SUSD2: variants seen among roughly 807,000 people sequenced by gnomAD.
SUSD2 encodes the protein sushi domain-containing protein 2.
In SUSD2, 86 loss-of-function variants were observed where a neutral mutation model predicts 93.8. The ratio of observed to expected loss-of-function variants is 0.92; its 90% CI spans 0.77 to 1.10. SUSD2 has a LOEUF of 1.10. SUSD2 is among the 50% of genes least tolerant of loss of function. The pLI, the probability that SUSD2 is intolerant of heterozygous loss-of-function variation, is 0.00. For synonymous variants in SUSD2, 483 were observed against 485.0 expected (o/e 1.00, Z 0.05); for missense variants, 1,060 against 1,137.0 (o/e 0.93, Z 0.97).
intron 5 of SUSD2, 62 bp downstream of exon 5, chr22:24,185,002 C>T: frequency 6.2e-7 from 1 of 1,610,886 alleles, no homozygotes; most frequent in Non-Finnish European, 8.5e-7. Flanking sequence ...GCCCATCATG[C>T]TTGCCTGGGC....
chr22:24,188,393 A>G lies in SUSD2; in HGVS notation c.2445-19A>G, dbSNP rs780052703. On this transcript the variant is annotated intron_variant, in intron 14 of 14. Transcript: ENST00000358321. The surrounding 1 kb of genome is among the most constrained non-coding windows in gnomAD (Gnocchi z 4.7). ...CGGTGGGACCACCGAGGCTACTTCTAACTGCGTTTCTGTTGCAGGCACGTC... is the reference window on the plus strand; with the variant it reads ...CGGTGGGACCACCGAGGCTACTTCTGACTGCGTTTCTGTTGCAGGCACGTC... 2 of 1,611,366 alleles carry G rather than the reference A, an allele frequency of 1.2e-6. No individual in the cohort carries two copies. The highest frequency in any genetic ancestry group is 1.7e-6 in the Non-Finnish European group (2 of 1,179,796).
In SUSD2 at chr22:24,188,725, C is replaced by G. The variant is rs2047387302; in HGVS notation, c.*289C>G. ...CTAATACCTATGTCCTGAGCCCTGA[C>G]ACTCCCACACCTGAGCCTCAGATTC... On this transcript the variant is annotated 3_prime_UTR_variant, in exon 15 of 15. Transcript: ENST00000358321. This position sits in a 1 kb window ranked among gnomAD's most constrained non-coding sequence, Gnocchi z 4.7. 1 of 394,220 alleles carries G rather than the reference C, an allele frequency of 2.5e-6. No homozygotes were observed. The highest frequency in any genetic ancestry group is 4.6e-6 in the Non-Finnish European group (1 of 215,224). 24.4% of individuals were successfully genotyped at this position (394,220 alleles called of 1,614,324 possible).
rs140077955 is a variant in SUSD2 at position 24,184,268 on chromosome 22, C to A, written c.572C>A (p.Thr191Asn). 2 of 1,613,470 alleles carry A rather than the reference C, an allele frequency of 1.2e-6. No homozygotes were observed. Among genetic ancestry groups the A allele is most frequent in the African/African-American group, 2.7e-5 (2 of 74,930 alleles). ...TWHVKSLPTQ[T>N]ITIELWGYEE... ...CATGTCAAGTCGCTGCCCACGCAGA[C>A]CATCACCATCGAACTGTGGGGCTAC... Residue 191 changes from threonine (T) to asparagine (N), a missense_variant, in exon 4 of 15, where the codon ACC becomes AAC. Thr to Asn is a moderately conservative substitution (Grantham distance 65, BLOSUM62 0). This residue lies in a region of SUSD2 where 973 missense variants were observed against 1,005.3 expected (regional missense o/e 0.97). Coordinates refer to ENST00000358321, the MANE Select transcript of SUSD2 (RefSeq NM_019601.4).
intron 1 of SUSD2, 123 bp from the exon 2 acceptor site, chr22:24,182,934 G>A: frequency 7.9e-6 from 6 of 757,984 alleles, no homozygotes; most frequent in Non-Finnish European, 1.1e-5. Flanking sequence ...TGCAGTTCCT[G>A]GCCAGCGTTC....
chr22:24,186,638 A>G, intron 10 of SUSD2: 2 of 589,162 alleles, frequency 3.4e-6, no homozygotes, highest in Non-Finnish European at 6.0e-6. Context: ...CCTACGGAGG[A>G]TCCCGGGAGC....
rs2047325340 is a variant in SUSD2, at chr22:24,181,489, T to G, written c.-31T>G. 6.6e-7 allele frequency: 1 copy of G among 1,526,360 alleles called. No homozygotes were observed. Among genetic ancestry groups the G allele is most frequent in the Non-Finnish European group, 8.8e-7 (1 of 1,134,876 alleles). The allele number at this position is 1,526,360 out of a possible 1,614,324, so 94.6% of individuals were successfully genotyped here. A position where few individuals can be genotyped will look rare whatever the true frequency, so the allele number is the denominator to read the frequency against. ...TCTGGCCGCCTCGCCTCGGAGCCAC[T>G]GCACTGCTGGCTGCAGACACAGGCT... On this transcript the variant is annotated 5_prime_UTR_variant, in exon 1 of 15. Transcript: ENST00000358321.
intron 7 of SUSD2, 22 bp downstream of exon 7, chr22:24,185,593 G>A (rs745885399): frequency 5.6e-6 from 9 of 1,599,210 alleles, no homozygotes; most frequent in African/African-American, 4.0e-5. Flanking sequence ...GGCTGGGGCC[G>A]GTATGGGGAT....
chr22:24,187,445 C>A lies in SUSD2; in HGVS notation c.1886C>A (p.Ala629Asp), dbSNP rs2047376319. ...TSPQELFLFG[A>D]NWTVHNASSL... is the part of the protein sequence containing the mutation. ...CCCCAGGAGCTGTTCCTGTTTGGGG[C>A]CAACTGTGAGTGACCGTGGAGTATA... The change falls in exon 11 of 15, where the codon GCC (alanine) becomes GAC (aspartate). Residue 629 changes from alanine to aspartate, a missense_variant. By Grantham distance (126) the Ala-to-Asp change is moderately radical (BLOSUM62 -2). This residue lies in a region of SUSD2 where 973 missense variants were observed against 1,005.3 expected (regional missense o/e 0.97). Transcript: ENST00000358321. The A allele has an allele frequency of 6.2e-7, 1 of 1,612,706 alleles. No homozygotes were observed. Among genetic ancestry groups the A allele is most frequent in the African/African-American group, 1.3e-5 (1 of 74,918 alleles).
chr22:24,187,219 G>T lies in SUSD2; in HGVS notation c.1660G>T (p.Ala554Ser). The change falls in exon 11 of 15, where the codon GCT (alanine) becomes TCT (serine). Residue 554 changes from alanine to serine, a missense_variant. Ala to Ser is a moderately conservative substitution (Grantham distance 99, BLOSUM62 1). This residue lies in a region of SUSD2 where 973 missense variants were observed against 1,005.3 expected (regional missense o/e 0.97). Transcript: ENST00000358321. ...GAGCCCAGGAATGTTCCTGTCGGTG[G>T]CTGCCGGGGACAGGGTCTCCATCAT... ...MDLKGMFLSVAAGDRVSIMLA... is the reference protein window; with the variant it reads ...MDLKGMFLSVSAGDRVSIMLA... The T allele has an allele frequency of 6.2e-7, 1 of 1,613,006 alleles. No individual in the cohort carries two copies. Among genetic ancestry groups the T allele is most frequent in the African/African-American group, 1.3e-5 (1 of 75,018 alleles).
At position 24,183,609 on chromosome 22, in the gene SUSD2, C is replaced by T. The variant is rs756314871; in HGVS notation, c.402C>T (p.Asn134=). The change falls in exon 3 of 15, where the codon AAC becomes AAT. Residue 134 remains asparagine (N), a synonymous_variant. Transcript: ENST00000358321. Reference sequence around the variant, plus strand: ...TCCCCTTCACTGTGTCACTGGACAACGGCCACTCCTTCCCTCGTGCGGGCA... The same window carrying T: ...TCCCCTTCACTGTGTCACTGGACAATGGCCACTCCTTCCCTCGTGCGGGCA... The part of the protein sequence containing the change: ...GRIPFTVSLD[N]GHSFPRAGTW... 28 of 1,612,910 alleles carry T rather than the reference C, an allele frequency of 1.7e-5. No individual in the cohort carries two copies. The highest frequency in any genetic ancestry group is 2.2e-5 in the South Asian group (2 of 91,092).
At position 24,182,801 on chromosome 22, in the gene SUSD2, C is replaced by G. The variant is rs2047332817; in HGVS notation, c.77-256C>G. On this transcript the variant is annotated intron_variant, in intron 1 of 14. Coordinates refer to ENST00000358321, the MANE Select transcript of SUSD2 (RefSeq NM_019601.4). ...ACCCTGCAGGGCTGAGCGGATGCAG[C>G]TTTTTGCCTCTTCTCGCTGCATTCT... 5.9e-6 allele frequency: 3 copies of G among 505,816 alleles called. No individual in the cohort carries two copies. In the Admixed American group the frequency reaches 1.1e-4, roughly 18 times the overall value. The allele number at this position is 505,816 out of a possible 1,614,324, so 31.3% of individuals were successfully genotyped here. A position where few individuals can be genotyped will look rare whatever the true frequency, so the allele number is the denominator to read the frequency against.
chr22:24,186,903 C>CG, intron 10 of SUSD2: 1 of 513,554 alleles, frequency 1.9e-6, no homozygotes, highest in African/African-American at 1.9e-5. Flanking sequence ...CAGGGACCCT[C>CG]GGGACGTGCC....
Position 24,184,305 on chromosome 22 carries a change from T to C in SUSD2, c.607+2T>C. ...AACTGTGGGGCTACGAGGAGACAGG[T>C]GAGGCCAGCTGAGGGCTGGGGTGGC... On this transcript the variant is annotated splice_donor_variant, in intron 4 of 14. Coordinates refer to ENST00000358321, the MANE Select transcript of SUSD2 (RefSeq NM_019601.4). LOFTEE classifies it high-confidence loss of function. 1 of 1,612,134 alleles carries C rather than the reference T, an allele frequency of 6.2e-7. No homozygotes were observed. The highest frequency in any genetic ancestry group is 1.7e-5 in the Admixed American group (1 of 59,978).
chr22:24,185,946 GC>G lies in SUSD2; in HGVS notation c.1339+21del. On this transcript the variant is annotated intron_variant, in intron 8 of 14. Transcript: ENST00000358321. The stretch of plus-strand genomic sequence containing the variant: ...CAAGACTGGGTGGGTGCCATCCCGT[GC>G]CCCAGACCCTGGGAAAGATCGGGCT... The G allele has an allele frequency of 6.4e-7, 1 of 1,569,232 alleles. No individual in the cohort carries two copies.
chr22:24,187,392 C>G lies in SUSD2; in HGVS notation c.1833C>G (p.Ser611Arg), dbSNP rs772062351. The G allele has an allele frequency of 6.2e-7, 1 of 1,613,762 alleles. No individual in the cohort carries two copies. Among genetic ancestry groups the G allele is most frequent in the Admixed American group, 1.7e-5 (1 of 60,008 alleles). Residue 611 changes from serine (S) to arginine (R), a missense_variant, in exon 11 of 15, where the codon AGC becomes AGG. Physicochemically the swap from Ser to Arg is moderately radical, Grantham distance 110 (BLOSUM62 -1). Transcript: ENST00000358321. ...NDPTDDFTLH[S>R]GRVLPPGTSP... ...CCACCGACGACTTCACCCTGCACAG[C>G]GGGCGCGTCCTGCCCCCAGGCACCA...
Position 24,186,166 on chromosome 22 carries a change from C to T in SUSD2, c.1483+7C>T, listed in dbSNP as rs775838613. On this transcript the variant is annotated splice_region_variant and intron_variant, in intron 9 of 14. Coordinates refer to ENST00000358321, the MANE Select transcript of SUSD2 (RefSeq NM_019601.4). Reference sequence around the variant, plus strand: ...CCCGGGACGATGTCCAACGGTGAGGCCAGGGCTAGGGGCTGCTCTGGTTGG... The same window carrying T: ...CCCGGGACGATGTCCAACGGTGAGGTCAGGGCTAGGGGCTGCTCTGGTTGG... The T allele has an allele frequency of 1.9e-6, 3 of 1,608,592 alleles. No individual in the cohort carries two copies. Among genetic ancestry groups the T allele is most frequent in the Non-Finnish European group, 2.5e-6 (3 of 1,177,586 alleles).
Position 24,188,383 on chromosome 22 carries a change from G to A in SUSD2, c.2445-29G>A, listed in dbSNP as rs1436477377. The stretch of plus-strand genomic sequence containing the variant: ...CCGAGACAGCCGGTGGGACCACCGA[G>A]GCTACTTCTAACTGCGTTTCTGTTG... On this transcript the variant is annotated intron_variant, in intron 14 of 14. Coordinates refer to ENST00000358321, the MANE Select transcript of SUSD2 (RefSeq NM_019601.4). The surrounding 1 kb of genome is among the most constrained non-coding windows in gnomAD (Gnocchi z 4.7). 6.2e-7 allele frequency: 1 copy of A among 1,611,098 alleles called. No homozygotes were observed. The highest frequency in any genetic ancestry group is 1.3e-5 in the African/African-American group (1 of 74,792).
intron 10 of SUSD2, 29 bp from the exon 11 acceptor site, chr22:24,187,172 GT>G: frequency 6.2e-7 from 1 of 1,600,968 alleles, no homozygotes; most frequent in Non-Finnish European, 8.5e-7. Flanking sequence ...CTCACAGCGG[GT>G]GACCCTAATG....
chr22:24,185,090 A>G lies in SUSD2; in HGVS notation c.783-4A>G, dbSNP rs2047352733. 1 of 1,612,980 alleles carries G rather than the reference A, an allele frequency of 6.2e-7. No individual in the cohort carries two copies. Reference sequence around the variant, plus strand: ...GCCCAGCTCCAGCATCATCACCTCCACAGGGACGTGCAGGCGCTCTGGACC... The same window carrying G: ...GCCCAGCTCCAGCATCATCACCTCCGCAGGGACGTGCAGGCGCTCTGGACC... On this transcript the variant is annotated splice_polypyrimidine_tract_variant and splice_region_variant and intron_variant, in intron 5 of 14. Coordinates refer to ENST00000358321, the MANE Select transcript of SUSD2 (RefSeq NM_019601.4).
Sources: allele counts gnomAD v4.1 joint callset, GRCh38; gene constraint gnomAD v4.1.1; regional missense constraint gnomAD v4.1.1; non-coding constraint Gnocchi (gnomAD v3.1); transcripts MANE v1.5; gene names NCBI Gene and HGNC (gene_info 2026-07-23, HGNC 2026-07-21).